CREB3L2: variants seen among roughly 807,000 people sequenced by gnomAD.
CREB3L2 encodes the protein cAMP responsive element binding protein 3 like 2, also known as cyclic AMP-responsive element-binding protein 3-like protein 2.
A neutral mutation model predicts 57.2 loss-of-function variants in CREB3L2; 23 were observed. That is an observed-to-expected ratio of 0.40 (90% CI 0.29 to 0.57). CREB3L2 has a LOEUF of 0.57. CREB3L2 is among the 20% of genes least tolerant of loss of function. The pLI is 0.42. For missense variants in CREB3L2, 628 were observed against 634.7 expected (o/e 0.99, Z 0.11); for synonymous variants, 268 against 265.1 (o/e 1.01, Z -0.11).
chr7:137,888,396 T>C (rs1206110740), intron 8 of CREB3L2, among the ~76,000 whole-genome samples: 3 of 152,110 alleles, frequency 2.0e-5, no homozygotes, highest in Admixed American at 6.6e-5. Flanking sequence ...TCCTTCCTCA[T>C]GAAACTTTTT....
chr7:137,910,904 C>A (rs1799991619), intron 4 of CREB3L2, among the ~76,000 whole-genome samples: 5 of 152,188 alleles, frequency 3.3e-5, no homozygotes, highest in Admixed American at 3.3e-4. Context: ...GCTACTGTGC[C>A]TAGAAACTGA....
At chr7:137,971,943 AAAT>A (rs1428103414) in intron 1 of CREB3L2, among the ~76,000 whole-genome samples, 1 of 151,938 alleles carries the variant, frequency 6.6e-6, no homozygotes, top group African/African-American at 2.4e-5. Context: ...AAAAAAAAAA[AAAT>A]AATGGCTAAG....
chr7:137,946,938 A>ATATATATATAGT (rs1801004687), intron 1 of CREB3L2, among the ~76,000 whole-genome samples: 3 of 104,160 alleles, frequency 2.9e-5, no homozygotes, highest in Non-Finnish European at 5.5e-5. Context: ...ATATATAGTT[A>ATATATATATAGT]TATATATAGT....
At chr7:137,885,147 G>A in intron 9 of CREB3L2, 26 bp from the exon 10 acceptor site, 1 of 1,611,478 alleles carries the variant, frequency 6.2e-7, no homozygotes, top group Non-Finnish European at 8.5e-7. Context: ...AGGGGAGAGA[G>A]AACACGAGGG....
chr7:137,955,226 A>G, intron 1 of CREB3L2: 1 of 1,228,000 alleles, frequency 8.1e-7, no homozygotes, highest in Non-Finnish European at 1.1e-6. Flanking sequence ...TTCAATGAGT[A>G]CAGTAAGAAT....
chr7:137,897,782 C>T (rs953855790), intron 8 of CREB3L2, among the ~76,000 whole-genome samples: 3 of 152,240 alleles, frequency 2.0e-5, no homozygotes, highest in Non-Finnish European at 4.4e-5. Context: ...TAAATACATA[C>T]ACATAAGATA....
intron 1 of CREB3L2, among the ~76,000 whole-genome samples, chr7:137,986,575 A>G (rs1801795492): frequency 1.3e-5 from 2 of 152,250 alleles, no homozygotes; most frequent in South Asian, 4.1e-4. Context: ...GATAAGGGCT[A>G]TGAAGTTGTG....
intron 1 of CREB3L2, chr7:137,999,865 T>C (rs917569268): frequency 2.0e-5 from 3 of 152,206 alleles, no homozygotes; most frequent in African/African-American, 7.2e-5. Context: ...AGAAAAATAA[T>C]CACACATTCC....
At chr7:137,972,309 A>T (rs1354539505) in intron 1 of CREB3L2, among the ~76,000 whole-genome samples, 1 of 151,996 alleles carries the variant, frequency 6.6e-6, no homozygotes, top group African/African-American at 2.4e-5. Context: ...AGTAGGGTGC[A>T]CACCTATAAT....
chr7:137,878,586 C>T lies in CREB3L2; in HGVS notation c.*1890G>A, dbSNP rs1357482476. 9 of 233,622 alleles carry T rather than the reference C, an allele frequency of 3.9e-5. No individual in the cohort carries two copies. The highest frequency in any genetic ancestry group is 1.2e-4 in the East Asian group (2 of 16,576). The allele number at this position is 233,622 out of a possible 1,614,324, so 14.5% of individuals were successfully genotyped here. ...CCTCCTGCACAGCTCAGACAGTCTC[C>T]GCCCTGGCTAATGGGAGGGACAACA... On this transcript the variant is annotated 3_prime_UTR_variant, in exon 12 of 12. Transcript: ENST00000330387.
At chr7:137,968,425 C>T (rs995254440) in intron 1 of CREB3L2, among the ~76,000 whole-genome samples, 11 of 151,956 alleles carry the variant, frequency 7.2e-5, no homozygotes, top group Admixed American at 2.6e-4. Context: ...GTGTTCTCAA[C>T]GTTCAACTCC....
chr7:137,890,145 C>T (rs571608530), intron 8 of CREB3L2, among the ~76,000 whole-genome samples: 34 of 152,134 alleles, frequency 2.2e-4, no homozygotes, highest in African/African-American at 6.3e-4. Flanking sequence ...AAGCCATAGA[C>T]GGAAGAGCCA....
chr7:137,965,412 T>A (rs1801392707), intron 1 of CREB3L2, among the ~76,000 whole-genome samples: 1 of 152,204 alleles, frequency 6.6e-6, no homozygotes, highest in South Asian at 2.1e-4. Flanking sequence ...ATTTTTTCCC[T>A]TAGGATAATT....
intron 1 of CREB3L2, among the ~76,000 whole-genome samples, chr7:137,985,523 T>C (rs1801778393): frequency 6.6e-6 from 1 of 152,196 alleles, no homozygotes; most frequent in Non-Finnish European, 1.5e-5. Context: ...AGTGCCATCC[T>C]GCTGTCCCCT....
Position 137,913,031 on chromosome 7 carries a change from A to G in CREB3L2, c.543T>C (p.Pro181=). The part of the protein sequence containing the change: ...QTIIPKIKLE[P]HEVDQFLNFS... ...AGTTTAGAAACTGATCCACTTCATG[A>G]GGCTCCAGCTTAATTTTAGGAATAA... Residue 181 remains proline (P), a synonymous_variant, in exon 4 of 12, where the codon CCT becomes CCC. Coordinates refer to ENST00000330387, the MANE Select transcript of CREB3L2 (RefSeq NM_194071.4). 1.2e-6 allele frequency: 2 copies of G among 1,614,062 alleles called. No homozygotes were observed. Among genetic ancestry groups the G allele is most frequent in the Non-Finnish European group, 1.7e-6 (2 of 1,179,956 alleles).
rs1800848742 is a variant in CREB3L2, at chr7:137,939,641, G to A, written c.103-11275C>T. On this transcript the variant is annotated intron_variant, in intron 1 of 11. Coordinates refer to ENST00000330387, the MANE Select transcript of CREB3L2 (RefSeq NM_194071.4). ...ACAAGTGAAAGACCATCAAAGCCAT[G>A]ATCAAGTCAACCGTTCAAGGCTGAG... 1.3e-5 allele frequency among the ~76,000 whole-genome samples: 2 copies of A among 152,200 alleles called. 1 individual carries two copies. The highest frequency in any genetic ancestry group is 4.1e-4 in the South Asian group (2 of 4,836).
At chr7:137,953,580 G>T in intron 1 of CREB3L2, 1 of 1,149,154 alleles carries the variant, frequency 8.7e-7, no homozygotes, top group South Asian at 1.3e-5. Context: ...GTCTCAGAAT[G>T]TGACTCTAGA....
chr7:137,928,036 T>C (rs1409125009), intron 2 of CREB3L2, 114 bp downstream of exon 2: 9 of 814,186 alleles, frequency 1.1e-5, no homozygotes, highest in Non-Finnish European at 1.8e-5. Context: ...ACACTGTAGG[T>C]ATCTCACTAA....
chr7:137,961,410 C>T (rs1801321216), intron 1 of CREB3L2, among the ~76,000 whole-genome samples: 1 of 152,122 alleles, frequency 6.6e-6, no homozygotes, highest in South Asian at 2.1e-4. Flanking sequence ...CTGAGTCAGG[C>T]TTTCTCTCCT....
Sources: allele counts gnomAD v4.1 joint callset (sites outside exome capture counted in the v4.1 genomes callset), GRCh38; gene constraint gnomAD v4.1.1; transcripts MANE v1.5; gene names NCBI Gene and HGNC (gene_info 2026-07-23, HGNC 2026-07-21).